The following ARHGAP24 variants were observed in gnomAD, a reference collection of about 807,000 sequenced individuals.
ARHGAP24 encodes Rho GTPase activating protein 24.
ARHGAP24 carries 50 observed loss-of-function variants against 76.4 expected under a neutral mutation model. The observed-to-expected ratio is 0.65, with a 90% confidence interval of 0.52 to 0.83. The LOEUF is 0.83. Ranked by LOEUF, ARHGAP24 falls within the 40% of genes least tolerant of loss-of-function variation. ARHGAP24 has a pLI of 0.00. For missense variants in ARHGAP24, 930 were observed against 914.2 expected (o/e 1.02, Z -0.22); for synonymous variants, 345 against 323.3 (o/e 1.07, Z -0.72).
At chr4:85,829,406 G>A (rs868611975) in intron 3 of ARHGAP24, among the ~76,000 whole-genome samples, 2 of 152,068 alleles carry the variant, frequency 1.3e-5, no homozygotes, top group Admixed American at 6.5e-5. Flanking sequence ...AAACTAGATC[G>A]TCACCTGTTC....
At chr4:85,626,721 C>T (rs896713993) in intron 2 of ARHGAP24, among the ~76,000 whole-genome samples, 98 of 152,230 alleles carry the variant, frequency 6.4e-4, no homozygotes, top group Middle Eastern at 6.8e-3. Context: ...ACCAATCAGA[C>T]GTAGATTTGG....
chr4:85,879,564 C>T (rs1733120627), intron 3 of ARHGAP24, among the ~76,000 whole-genome samples: 1 of 151,580 alleles, frequency 6.6e-6, no homozygotes, highest in South Asian at 2.1e-4. Context: ...GGATATTAAC[C>T]AAAATTGCAG....
chr4:85,712,027 C>A (rs1560596968), intron 2 of ARHGAP24, among the ~76,000 whole-genome samples: 1 of 152,060 alleles, frequency 6.6e-6, no homozygotes, highest in African/African-American at 2.4e-5. Flanking sequence ...TATTCTTTTT[C>A]TTTTTATCTT....
intron 3 of ARHGAP24, among the ~76,000 whole-genome samples, chr4:85,834,115 A>G (rs932863202): frequency 6.6e-6 from 1 of 152,210 alleles, no homozygotes; most frequent in African/African-American, 2.4e-5. Flanking sequence ...AAATAGGACT[A>G]TTATTTTGGT....
intron 1 of ARHGAP24, among the ~76,000 whole-genome samples, chr4:85,485,919 A>T (rs1287323954): frequency 6.6e-6 from 1 of 151,900 alleles, no homozygotes; most frequent in Non-Finnish European, 1.5e-5. Flanking sequence ...TTGTATTTTC[A>T]GTAGAGACGG....
chr4:85,683,125 G>GGGGGGGGGGGGGGGGGGGGGGGT (rs1553922590), intron 2 of ARHGAP24, among the ~76,000 whole-genome samples: 1 of 107,656 alleles, frequency 9.3e-6, no homozygotes, highest in African/African-American at 3.5e-5. Context: ...GGTGGGGGGG[G>GGGGGGGGGGGGGGGGGGGGGGGT]GGTGCGGGGG....
intron 3 of ARHGAP24, among the ~76,000 whole-genome samples, chr4:85,776,087 A>G (rs115846718): frequency 0.02 from 3,019 of 152,204 alleles, 50 homozygotes; most frequent in Non-Finnish European, 0.033. Flanking sequence ...TCTGCCCCCA[A>G]GCATAGAATA....
In ARHGAP24 at chr4:85,823,211, G is replaced by A. The variant is rs573328193; in HGVS notation, c.269-100437G>A. 2.0e-5 allele frequency among the ~76,000 whole-genome samples: 3 copies of A among 152,160 alleles called. No individual in the cohort carries two copies. The East Asian group carries it at 5.8e-4, about 29-fold the overall frequency. ...AATTGCTGTAATTTCACTACCTAGA[G>A]ATAAAAACTATTAACATCATAGTGC... On this transcript the variant is annotated intron_variant, in intron 3 of 9. Transcript: ENST00000395184.
At chr4:85,860,291 C>T (rs1731812443) in intron 3 of ARHGAP24, among the ~76,000 whole-genome samples, 3 of 151,864 alleles carry the variant, frequency 2.0e-5, no homozygotes, top group Admixed American at 1.3e-4. Context: ...ATATGGTGCC[C>T]CACGAGGGCT....
chr4:85,541,781 A>C (rs1432811827), intron 1 of ARHGAP24, among the ~76,000 whole-genome samples: 2 of 152,160 alleles, frequency 1.3e-5, no homozygotes. Flanking sequence ...GCCATAAAAA[A>C]ACAGAAGAAG....
chr4:85,656,206 A>G lies in ARHGAP24; in HGVS notation c.181-65679A>G, dbSNP rs926213164. Among the ~76,000 whole-genome samples the G allele has an allele frequency of 2.1e-4, 32 of 152,208 alleles. 1 individual carries two copies. Among genetic ancestry groups the G allele is most frequent in the African/African-American group, 7.7e-4 (32 of 41,454 alleles). On this transcript the variant is annotated intron_variant, in intron 2 of 9. Coordinates refer to ENST00000395184, the MANE Select transcript of ARHGAP24 (RefSeq NM_001025616.3). The stretch of plus-strand genomic sequence containing the variant: ...TTCTTTAGAGACAATTCTGAAATGT[A>G]TTTAAAAACACTGGCTTCTATAAAA...
At chr4:85,541,526 T>TA (rs1228880637) in intron 1 of ARHGAP24, among the ~76,000 whole-genome samples, 5 of 152,090 alleles carry the variant, frequency 3.3e-5, no homozygotes, top group Non-Finnish European at 5.9e-5. Flanking sequence ...ACAATATATA[T>TA]TTTTTTGTGT....
intron 2 of ARHGAP24, among the ~76,000 whole-genome samples, chr4:85,644,249 T>C (rs1415139258): frequency 6.6e-6 from 1 of 152,170 alleles, no homozygotes; most frequent in East Asian, 1.9e-4. Context: ...ACATAAGAAC[T>C]GCTTGATAAT....
At chr4:85,557,004 CG>C (rs1726404593) in intron 1 of ARHGAP24, among the ~76,000 whole-genome samples, 1 of 152,130 alleles carries the variant, frequency 6.6e-6, no homozygotes, top group Non-Finnish European at 1.5e-5. Context: ...GCAGCTCTGC[CG>C]GGGGTCTGGG....
intron 3 of ARHGAP24, among the ~76,000 whole-genome samples, chr4:85,838,533 A>T (rs1730417695): frequency 1.3e-5 from 2 of 152,186 alleles, no homozygotes; most frequent in Non-Finnish European, 2.9e-5. Context: ...CAGGAGGCGG[A>T]GCTGGCAGTG....
chr4:85,985,002 A>G (rs564974214), intron 8 of ARHGAP24, among the ~76,000 whole-genome samples: 1 of 152,112 alleles, frequency 6.6e-6, no homozygotes, highest in Non-Finnish European at 1.5e-5. Flanking sequence ...TTGTATTTTT[A>G]GTAGAGATGG....
intron 2 of ARHGAP24, among the ~76,000 whole-genome samples, chr4:85,691,055 A>T (rs1224181882): frequency 6.6e-6 from 1 of 152,010 alleles, no homozygotes; most frequent in African/African-American, 2.4e-5. Flanking sequence ...CTCTATTTTC[A>T]TTAGCTTCAA....
At chr4:85,877,122 A>G (rs934597421) in intron 3 of ARHGAP24, among the ~76,000 whole-genome samples, 2 of 152,116 alleles carry the variant, frequency 1.3e-5, no homozygotes, top group African/African-American at 4.8e-5. Flanking sequence ...TTGTTTTCTT[A>G]TAATTGTGTT....
chr4:85,860,439 C>T (rs1323130925), intron 3 of ARHGAP24, among the ~76,000 whole-genome samples: 1 of 152,022 alleles, frequency 6.6e-6, no homozygotes, highest in East Asian at 1.9e-4. Flanking sequence ...TAATATTAAA[C>T]CTATCAGCCC....
Sources: gnomAD v4.1 joint callset for allele counts (sites outside exome capture counted in the v4.1 genomes callset) on GRCh38, gnomAD v4.1.1 for gene constraint, MANE v1.5 for transcripts, NCBI Gene and HGNC (gene_info 2026-07-23, HGNC 2026-07-21) for gene names.